CABLES1: variants seen among roughly 807,000 people sequenced by gnomAD.
CABLES1 encodes the protein Cdk5 and Abl enzyme substrate 1.
Under a neutral mutation model 57.8 loss-of-function variants are expected in CABLES1, and 36 were observed. The ratio of observed to expected loss-of-function variants is 0.62; its 90% CI spans 0.48 to 0.82. The LOEUF (loss-of-function observed/expected upper bound fraction) is 0.82, where lower values mean the gene tolerates loss of function less well. Among genes scored for constraint, CABLES1 ranks in the 40% least tolerant of loss-of-function variants. CABLES1 has a pLI of 0.00. For synonymous variants in CABLES1, 374 were observed against 363.0 expected (o/e 1.03, Z -0.35); for missense variants, 767 against 836.6 (o/e 0.92, Z 1.03).
Position 23,257,527 on chromosome 18 carries a change from C to T in CABLES1, c.*160C>T. 1.3e-6 allele frequency: 1 copy of T among 765,218 alleles called. No individual in the cohort carries two copies. The allele number at this position is 765,218 out of a possible 1,614,324, so 47.4% of individuals were successfully genotyped here. On this transcript the variant is annotated 3_prime_UTR_variant, in exon 10 of 10. Coordinates refer to ENST00000256925, the MANE Select transcript of CABLES1 (RefSeq NM_001100619.3). ...CAGTACTAGAAACTTTCCAAGGAGT[C>T]TTGGGTGTGTAGCCAAGAGGAGCCA...
chr18:23,230,101 C>T (rs1030658099), intron 4 of CABLES1, among the ~76,000 whole-genome samples: 2 of 152,182 alleles, frequency 1.3e-5, no homozygotes, highest in East Asian at 1.9e-4. Flanking sequence ...GGGCCAGGCG[C>T]GGTGGCTCAC....
intron 3 of CABLES1, among the ~76,000 whole-genome samples, 190 bp downstream of exon 3, chr18:23,194,730 GAA>G (rs1363741075): frequency 6.6e-6 from 1 of 152,218 alleles, no homozygotes; most frequent in Non-Finnish European, 1.5e-5. Context: ...AATCTGTAGA[GAA>G]TAATGAATGC....
rs1466486573 is a variant in CABLES1, at chr18:23,136,142, C to T, written c.380C>T (p.Thr127Met). Residue 127 changes from threonine to methionine, a missense_variant, in exon 1 of 10, where the codon ACG (threonine) becomes ATG (methionine). This residue lies in a region of CABLES1 where 529 missense variants were observed against 622.8 expected (regional missense o/e 0.85). Coordinates refer to ENST00000256925, the MANE Select transcript of CABLES1 (RefSeq NM_001100619.3). Reference sequence around the variant, plus strand: ...TGCATCGCGCTCGCCGCGCCGGGCACGCCGGCTGCGGGGTTAGCCGCTGGG... The same window carrying T: ...TGCATCGCGCTCGCCGCGCCGGGCATGCCGGCTGCGGGGTTAGCCGCTGGG... ...GGCIALAAPGTPAAGLAAGSG... is the reference protein window; with the variant it reads ...GGCIALAAPGMPAAGLAAGSG... 7 of 1,204,768 alleles carry T rather than the reference C, an allele frequency of 5.8e-6. No homozygotes were observed. Among genetic ancestry groups the T allele is most frequent in the Non-Finnish European group, 7.2e-6 (7 of 970,944 alleles). 74.6% of individuals were successfully genotyped at this position (1,204,768 alleles called of 1,614,324 possible).
upstream of CABLES1, chr18:23,134,775 GACAAT>G (rs2046805086): frequency 6.6e-6 from 1 of 152,176 alleles, no homozygotes; most frequent in African/African-American, 2.4e-5. Flanking sequence ...GATGAAAAGT[GACAAT>G]ACCATGGATT....
At chr18:23,228,678 C>G (rs1598841519) in intron 4 of CABLES1, among the ~76,000 whole-genome samples, 1 of 149,668 alleles carries the variant, frequency 6.7e-6, no homozygotes, top group Non-Finnish European at 1.5e-5. Context: ...GAGTCCCTCC[C>G]TTTTACCCCC....
intron 1 of CABLES1, among the ~76,000 whole-genome samples, chr18:23,142,033 A>G (rs1165881862): frequency 6.6e-6 from 1 of 151,420 alleles, no homozygotes; most frequent in Non-Finnish European, 1.5e-5. Context: ...TCCTTATGGA[A>G]CTCAGCGGTT....
chr18:23,160,068 C>T (rs1188202319), intron 1 of CABLES1, among the ~76,000 whole-genome samples: 5 of 145,488 alleles, frequency 3.4e-5, no homozygotes, highest in African/African-American at 5.1e-5. Context: ...GATGGAGTTT[C>T]ACTCTGTCAC....
chr18:23,163,781 G>A (rs554019019), intron 1 of CABLES1, among the ~76,000 whole-genome samples: 1 of 152,288 alleles, frequency 6.6e-6, no homozygotes, highest in East Asian at 1.9e-4. Flanking sequence ...TTAGTGGAGG[G>A]AGTTCCTTGA....
intron 1 of CABLES1, among the ~76,000 whole-genome samples, chr18:23,184,988 C>T (rs534444615): frequency 6.6e-6 from 1 of 152,264 alleles, no homozygotes; most frequent in Non-Finnish European, 1.5e-5. Flanking sequence ...GATTTCAACA[C>T]GTGAATTTTG....
intron 1 of CABLES1, among the ~76,000 whole-genome samples, chr18:23,171,433 A>G (rs930793642): frequency 6.6e-6 from 1 of 152,236 alleles, no homozygotes; most frequent in African/African-American, 2.4e-5. Flanking sequence ...GATGGAGGAT[A>G]AGGAGGGGCC....
chr18:23,246,846 C>T (rs1374206875), intron 7 of CABLES1, among the ~76,000 whole-genome samples: 1 of 152,020 alleles, frequency 6.6e-6, no homozygotes, highest in African/African-American at 2.4e-5. Context: ...GCATGCACCA[C>T]CACGCCCAGC....
intron 1 of CABLES1, among the ~76,000 whole-genome samples, chr18:23,153,886 C>T (rs1308146361): frequency 6.6e-6 from 1 of 152,106 alleles, no homozygotes; most frequent in Non-Finnish European, 1.5e-5. Flanking sequence ...TAAAAATTAG[C>T]TGAGTGTGAT....
intron 3 of CABLES1, among the ~76,000 whole-genome samples, chr18:23,199,007 C>G (rs997175809): frequency 6.6e-6 from 1 of 152,114 alleles, no homozygotes; most frequent in African/African-American, 2.4e-5. Context: ...TCTCCATTGA[C>G]GAGAATGTGG....
intron 5 of CABLES1, among the ~76,000 whole-genome samples, chr18:23,235,021 G>A (rs961049765): frequency 2.0e-5 from 3 of 152,160 alleles, no homozygotes; most frequent in Admixed American, 1.3e-4. Context: ...ATTAACTAGT[G>A]GTGTCAGCAA....
In CABLES1 at chr18:23,136,575, C is replaced by G; in HGVS notation, c.813C>G (p.Ser271Arg). 1 of 1,507,544 alleles carries G rather than the reference C, an allele frequency of 6.6e-7. No individual in the cohort carries two copies. The highest frequency in any genetic ancestry group is 8.8e-7 in the Non-Finnish European group (1 of 1,133,642). The allele number at this position is 1,507,544 out of a possible 1,614,324, so 93.4% of individuals were successfully genotyped here. Residue 271 changes from serine (S) to arginine (R), a missense_variant, in exon 1 of 10, where the codon AGC becomes AGG. Coordinates refer to ENST00000256925, the MANE Select transcript of CABLES1 (RefSeq NM_001100619.3). ...TGGAGCAGCCAGGCCAGGGCGGCAG[C>G]ACCAGCGCCTTCGAGCAGCTGCAGA... ...CSLEQPGQGG[S>R]TSAFEQLQRS...
At chr18:23,215,072 C>T (rs2047432138) in intron 4 of CABLES1, among the ~76,000 whole-genome samples, 1 of 152,212 alleles carries the variant, frequency 6.6e-6, no homozygotes, top group South Asian at 2.1e-4. Context: ...GAGATGTGTG[C>T]CTTAAGGAGC....
intron 1 of CABLES1, among the ~76,000 whole-genome samples, chr18:23,139,579 C>T (rs2046844914): frequency 6.6e-6 from 1 of 152,126 alleles, no homozygotes; most frequent in Non-Finnish European, 1.5e-5. Context: ...GCACAAGGTG[C>T]ACAGTAAATG....
chr18:23,190,936 A>G (rs1296689330), intron 2 of CABLES1, among the ~76,000 whole-genome samples: 1 of 151,988 alleles, frequency 6.6e-6, no homozygotes, highest in East Asian at 1.9e-4. Flanking sequence ...ACACAAAAAT[A>G]CATAAATAAA....
intron 1 of CABLES1, among the ~76,000 whole-genome samples, chr18:23,182,849 A>G (rs932556299): frequency 6.6e-6 from 1 of 152,066 alleles, no homozygotes; most frequent in African/African-American, 2.4e-5. Flanking sequence ...ACACTGCTGC[A>G]CCCTCACTGG....
Sources: gnomAD v4.1 joint callset for allele counts (sites outside exome capture counted in the v4.1 genomes callset) on GRCh38, gnomAD v4.1.1 for gene constraint, gnomAD v4.1.1 regional missense constraint, MANE v1.5 for transcripts, NCBI Gene and HGNC (gene_info 2026-07-23, HGNC 2026-07-21) for gene names.